Variants in ADAM10 observed in about 807,000 individuals in gnomAD.
ADAM10 encodes disintegrin and metalloproteinase domain-containing protein 10.
A neutral mutation model predicts 90.1 loss-of-function variants in ADAM10; 17 were observed. The observed-to-expected ratio is 0.19, with a 90% confidence interval of 0.13 to 0.28. The LOEUF is 0.28. ADAM10 is among the 10% of genes least tolerant of loss of function. ADAM10 has a pLI of 1.00. For missense variants in ADAM10, 610 were observed against 914.3 expected, an observed-to-expected ratio of 0.67 and a Z score of 4.29; for synonymous variants, 310 against 298.6, an observed-to-expected ratio of 1.04 and a Z score of -0.40.
intron 14 of ADAM10, among the ~76,000 whole-genome samples, chr15:58,603,753 C>G (rs1005923238): frequency 6.6e-6 from 1 of 151,484 alleles, no homozygotes; most frequent in Non-Finnish European, 1.5e-5. Flanking sequence ...CTTGAGCACA[C>G]GATAAAGTAC....
intron 14 of ADAM10, among the ~76,000 whole-genome samples, chr15:58,600,911 T>G (rs1418245572): frequency 6.6e-6 from 1 of 152,178 alleles, no homozygotes; most frequent in African/African-American, 2.4e-5. Context: ...ACTTAGGGAC[T>G]TACAACAAAC....
At chr15:58,616,219 G>A (rs1455920050) in intron 11 of ADAM10, among the ~76,000 whole-genome samples, 2 of 152,176 alleles carry the variant, frequency 1.3e-5, no homozygotes, top group Non-Finnish European at 2.9e-5. Context: ...GCACTGGACA[G>A]ATAATCTAGA....
intron 8 of ADAM10, among the ~76,000 whole-genome samples, chr15:58,636,701 T>C (rs1353318779): frequency 6.6e-6 from 1 of 152,022 alleles, no homozygotes; most frequent in Admixed American, 6.6e-5. Context: ...TGTCCTAAAC[T>C]TCAAAACAGA....
intron 1 of ADAM10, among the ~76,000 whole-genome samples, chr15:58,727,401 G>C (rs1428294707): frequency 7.2e-5 from 11 of 152,136 alleles, no homozygotes; most frequent in African/African-American, 2.6e-4. Context: ...ATGTTGGCCA[G>C]GTTGGTCTCA....
chr15:58,747,414 TCCA>T (rs1197567275), intron 1 of ADAM10: 2 of 152,162 alleles, frequency 1.3e-5, no homozygotes, highest in Admixed American at 6.5e-5. Flanking sequence ...AAGTTAAATT[TCCA>T]CCACAACTTC....
In ADAM10 at chr15:58,590,502, A is replaced by C. The variant is rs1894802665; in HGVS notation, c.*7045T>G. The C allele has an allele frequency of 6.6e-6, 1 of 152,224 alleles. No individual in the cohort carries two copies. Among genetic ancestry groups the C allele is most frequent in the Non-Finnish European group, 1.5e-5 (1 of 68,036 alleles). The allele number at this position is 152,224 out of a possible 1,614,324, so 9.4% of individuals were successfully genotyped here. A position where few individuals can be genotyped will look rare whatever the true frequency, so the allele number is the denominator to read the frequency against. ...CAAATGCATACCATAAAAGCCAAAG[A>C]ATTTCAAACATGCTCTGATATGTTT... On this transcript the variant is annotated 3_prime_UTR_variant, in exon 16 of 16. Coordinates refer to ENST00000260408, the MANE Select transcript of ADAM10 (RefSeq NM_001110.4).
At chr15:58,659,329 C>G (rs1896913851) in intron 5 of ADAM10, among the ~76,000 whole-genome samples, 1 of 152,016 alleles carries the variant, frequency 6.6e-6, no homozygotes, top group Admixed American at 6.6e-5. Context: ...GACTTAGTCT[C>G]TCACTTTTAA....
In ADAM10 at chr15:58,643,001, T is replaced by C. The variant is rs1183806234; in HGVS notation, c.828+885A>G. ...GTATAGACATTTTATCCAACCACAT[T>C]TGAAGAAAAATAGGAAAGCATAAAT... On this transcript the variant is annotated intron_variant, in intron 7 of 15. Transcript: ENST00000260408. Among the ~76,000 whole-genome samples, 3 of 152,258 alleles carry C rather than the reference T, an allele frequency of 2.0e-5. No homozygotes were observed. In the East Asian group the frequency reaches 5.8e-4, roughly 29 times the overall value.
intron 5 of ADAM10, among the ~76,000 whole-genome samples, chr15:58,655,722 T>TATATATATA (rs1246122997): frequency 4.4e-4 from 43 of 98,320 alleles, no homozygotes; most frequent in Non-Finnish European, 7.9e-4. Context: ...TATATATATA[T>TATATATATA]ATATATATAT....
At chr15:58,637,351 A>G (rs760616813) in intron 8 of ADAM10, among the ~76,000 whole-genome samples, 8 of 152,198 alleles carry the variant, frequency 5.3e-5, no homozygotes, top group Non-Finnish European at 1.2e-4. Context: ...ATGTTCATTC[A>G]GTTAACTGAT....
At chr15:58,741,988 C>G (rs1488207390) in intron 1 of ADAM10, among the ~76,000 whole-genome samples, 1 of 152,212 alleles carries the variant, frequency 6.6e-6, no homozygotes, top group Non-Finnish European at 1.5e-5. Context: ...CTCAGAAAGC[C>G]TTCCCCGCTT....
chr15:58,593,385 A>G lies in ADAM10; in HGVS notation c.*4162T>C, dbSNP rs1165601197. On this transcript the variant is annotated 3_prime_UTR_variant, in exon 16 of 16. Coordinates refer to ENST00000260408, the MANE Select transcript of ADAM10 (RefSeq NM_001110.4). ...TGCCACCACGCCCAGCTGTATTTTT[A>G]GTAGAGACGGGGTTTCACCATGTTG... 3.3e-5 allele frequency: 5 copies of G among 151,840 alleles called. No homozygotes were observed. The highest frequency in any genetic ancestry group is 1.2e-4 in the African/African-American group (5 of 41,310). The allele number at this position is 151,840 out of a possible 1,614,324, so 9.4% of individuals were successfully genotyped here. A position where few individuals can be genotyped will look rare whatever the true frequency, so the allele number is the denominator to read the frequency against.
At chr15:58,691,374 A>G in intron 2 of ADAM10, 1 of 879,092 alleles carries the variant, frequency 1.1e-6, no homozygotes, top group Non-Finnish European at 1.9e-6. Context: ...TATTACCTCG[A>G]AGCCCTTCTT....
chr15:58,624,316 C>A (rs547068628), intron 10 of ADAM10, among the ~76,000 whole-genome samples: 4 of 151,916 alleles, frequency 2.6e-5, no homozygotes, highest in African/African-American at 7.2e-5. Flanking sequence ...ACAAAAAAAA[C>A]TAGAAACATG....
At chr15:58,680,642 TG>T (rs1423318581) in intron 3 of ADAM10, among the ~76,000 whole-genome samples, 1 of 151,942 alleles carries the variant, frequency 6.6e-6, no homozygotes, top group African/African-American at 2.4e-5. Context: ...ACATAAAGGG[TG>T]AAAGTAGAGG....
At chr15:58,613,807 A>C (rs1296959768) in intron 11 of ADAM10, among the ~76,000 whole-genome samples, 1 of 152,128 alleles carries the variant, frequency 6.6e-6, no homozygotes, top group Non-Finnish European at 1.5e-5. Context: ...CAAGTGAATA[A>C]ATTTTCATAT....
chr15:58,664,310 T>C (rs1266005661), intron 5 of ADAM10, among the ~76,000 whole-genome samples: 1 of 152,114 alleles, frequency 6.6e-6, no homozygotes, highest in Non-Finnish European at 1.5e-5. Flanking sequence ...AACGATAACC[T>C]TTTGAGAATA....
rs557262400 is a variant in ADAM10, at chr15:58,589,804, T to G, written c.*7743A>C. Reference sequence around the variant, plus strand: ...GAGGCTAGGTGTCTTAATCCTAAATTTATGATAGTCATGATACAGACGCCC... The same window carrying G: ...GAGGCTAGGTGTCTTAATCCTAAATGTATGATAGTCATGATACAGACGCCC... On this transcript the variant is annotated 3_prime_UTR_variant, in exon 16 of 16. Transcript: ENST00000260408. The G allele has an allele frequency of 1.3e-5, 2 of 152,154 alleles. No homozygotes were observed. Among genetic ancestry groups the G allele is most frequent in the South Asian group, 4.1e-4 (2 of 4,822 alleles). 9.4% of individuals were successfully genotyped at this position (152,154 alleles called of 1,614,324 possible).
At chr15:58,691,471 T>A (rs1323419732) in intron 2 of ADAM10, 6 of 636,334 alleles carry the variant, frequency 9.4e-6, no homozygotes, top group Non-Finnish European at 1.5e-5. Context: ...GCCTCCTTCA[T>A]GCAAGACACA....
Sources: allele counts gnomAD v4.1 joint callset (sites outside exome capture counted in the v4.1 genomes callset), GRCh38; gene constraint gnomAD v4.1.1; transcripts MANE v1.5; gene names NCBI Gene and HGNC (gene_info 2026-07-23, HGNC 2026-07-21).